Variants in FBLN1 observed in about 807,000 individuals in gnomAD.
The protein encoded by FBLN1 is fibulin 1.
A neutral mutation model predicts 89.7 loss-of-function variants in FBLN1; 34 were observed. The ratio of observed to expected loss-of-function variants is 0.38; its 90% CI spans 0.29 to 0.50. The LOEUF is 0.50. Among genes scored for constraint, FBLN1 ranks in the 20% least tolerant of loss-of-function variants. The pLI, the probability that FBLN1 is intolerant of heterozygous loss-of-function variation, is 0.92. For missense variants in FBLN1, 777 were observed against 988.1 expected (o/e 0.79, Z 2.86); for synonymous variants, 393 against 391.3 (o/e 1.00, Z -0.05).
At chr22:45,553,933 C>T (rs745915048) in intron 14 of FBLN1, among the ~76,000 whole-genome samples, 4 of 152,224 alleles carry the variant, frequency 2.6e-5, no homozygotes, top group Non-Finnish European at 5.9e-5. Flanking sequence ...GCGACTCTAG[C>T]GCCACCTGCT....
rs1036221924 is a variant in FBLN1, at chr22:45,578,693, C to G, written c.1972+1585C>G. Among the ~76,000 whole-genome samples, 2 of 152,234 alleles carry G rather than the reference C, an allele frequency of 1.3e-5. No homozygotes were observed. The highest frequency in any genetic ancestry group is 2.4e-5 in the African/African-American group (1 of 41,474). On this transcript the variant is annotated intron_variant, in intron 16 of 16. Transcript: ENST00000327858. This position sits in a 1 kb window ranked among gnomAD's most constrained non-coding sequence, Gnocchi z 4.6. ...CTGACACTGGCCCACAGCCGCCCCCCGCCCCAAAGGGGCCAGCCCTGTGCT... is the reference window on the plus strand; with the variant it reads ...CTGACACTGGCCCACAGCCGCCCCCGGCCCCAAAGGGGCCAGCCCTGTGCT...
chr22:45,564,950 T>G, intron 14 of FBLN1: 2 of 1,614,136 alleles, frequency 1.2e-6, no homozygotes, highest in Non-Finnish European at 1.7e-6. Flanking sequence ...GCAGGGTTCT[T>G]CCATGGAAGC....
At chr22:45,528,279 G>T (rs1319536544) in intron 4 of FBLN1, among the ~76,000 whole-genome samples, 1 of 152,168 alleles carries the variant, frequency 6.6e-6, no homozygotes, top group Non-Finnish European at 1.5e-5. Context: ...TGCTGATTGA[G>T]TGAGGCCCAC....
chr22:45,513,165 G>C (rs1335735872), intron 1 of FBLN1, among the ~76,000 whole-genome samples: 1 of 152,196 alleles, frequency 6.6e-6, no homozygotes, highest in Non-Finnish European at 1.5e-5. Context: ...AGGCAAGTAA[G>C]TCAACGGGCA....
At position 45,597,255 on chromosome 22, in the gene FBLN1, C is replaced by G. The variant is rs1273465833; in HGVS notation, c.1973-3052C>G. ...TGGGCTTGTGATCTGCCCGCCTAAG[C>G]CTCCCAAAGTGCTGGGATTACAAGC... On this transcript the variant is annotated intron_variant, in intron 16 of 16. Coordinates refer to ENST00000327858, the MANE Select transcript of FBLN1 (RefSeq NM_006486.3). This position sits in a 1 kb window ranked among gnomAD's most constrained non-coding sequence, Gnocchi z 4.2. 6.6e-6 allele frequency among the ~76,000 whole-genome samples: 1 copy of G among 152,166 alleles called. No individual in the cohort carries two copies. Among genetic ancestry groups the G allele is most frequent in the Non-Finnish European group, 1.5e-5 (1 of 68,034 alleles).
rs1333906101 is a variant in FBLN1 at position 45,578,546 on chromosome 22, G to A, written c.1972+1438G>A. ...TCTGGGCCTCAGTTTCCCCCATTGT[G>A]AAATGAGAGTTTAGATGAAGACAGC... On this transcript the variant is annotated intron_variant, in intron 16 of 16. Coordinates refer to ENST00000327858, the MANE Select transcript of FBLN1 (RefSeq NM_006486.3). The surrounding 1 kb of genome is among the most constrained non-coding windows in gnomAD (Gnocchi z 4.6). The A allele has an allele frequency of 1.3e-5, 2 of 151,978 alleles. No homozygotes were observed. Among genetic ancestry groups the A allele is most frequent in the Admixed American group, 6.5e-5 (1 of 15,268 alleles). 9.4% of individuals were successfully genotyped at this position (151,978 alleles called of 1,614,324 possible). A position where few individuals can be genotyped will look rare whatever the true frequency, so the allele number is the denominator to read the frequency against.
chr22:45,567,101 C>T (rs914445769), intron 14 of FBLN1, among the ~76,000 whole-genome samples: 4 of 152,220 alleles, frequency 2.6e-5, no homozygotes, highest in African/African-American at 9.6e-5. Flanking sequence ...GGGATTCAGA[C>T]GCAGGCAGCC....
At position 45,518,800 on chromosome 22, in the gene FBLN1, G is replaced by A. The variant is rs745529980; in HGVS notation, c.185+13G>A. The A allele has an allele frequency of 6.3e-7, 1 of 1,588,894 alleles. No homozygotes were observed. The highest frequency in any genetic ancestry group is 1.7e-4 in the Middle Eastern group (1 of 6,036). Reference sequence around the variant, plus strand: ...CCAAAGAATGCAGGTACGTTTGCCAGTGGCCACTGTTTCACTGGAACAATG... The same window carrying A: ...CCAAAGAATGCAGGTACGTTTGCCAATGGCCACTGTTTCACTGGAACAATG... On this transcript the variant is annotated intron_variant, in intron 2 of 16. Coordinates refer to ENST00000327858, the MANE Select transcript of FBLN1 (RefSeq NM_006486.3).
rs1200274904 is a variant in FBLN1, at chr22:45,575,983, A to G, written c.1841-994A>G. 2.0e-5 allele frequency among the ~76,000 whole-genome samples: 3 copies of G among 152,104 alleles called. No individual in the cohort carries two copies. Among genetic ancestry groups the G allele is most frequent in the Admixed American group, 2.0e-4 (3 of 15,284 alleles). The stretch of plus-strand genomic sequence containing the variant: ...GTCCTCCCACCCTCTCAGGGGAGGC[A>G]TGCAACGGAGCCAGCCGCGAGGACA... On this transcript the variant is annotated intron_variant, in intron 15 of 16. Transcript: ENST00000327858. The surrounding 1 kb of genome is among the most constrained non-coding windows in gnomAD (Gnocchi z 6.3).
At chr22:45,566,906 C>T (rs2088905485) in intron 14 of FBLN1, among the ~76,000 whole-genome samples, 1 of 152,228 alleles carries the variant, frequency 6.6e-6, no homozygotes, top group Admixed American at 6.5e-5. Flanking sequence ...ATAACAACTC[C>T]AACAGCTAAC....
At chr22:45,567,802 T>C (rs188575058) in intron 14 of FBLN1, among the ~76,000 whole-genome samples, 239 of 152,260 alleles carry the variant, frequency 1.6e-3, no homozygotes, top group Admixed American at 4.1e-3. Context: ...TGCATGACTT[T>C]GGCATCTGTG....
At chr22:45,584,994 C>T (rs1441548622) in intron 16 of FBLN1, among the ~76,000 whole-genome samples, 1 of 152,222 alleles carries the variant, frequency 6.6e-6, no homozygotes. Flanking sequence ...AATCTACATC[C>T]AAGCTACGCA....
chr22:45,516,866 G>A (rs2088176362), intron 1 of FBLN1, among the ~76,000 whole-genome samples: 1 of 152,216 alleles, frequency 6.6e-6, no homozygotes, highest in African/African-American at 2.4e-5. Context: ...TGTCACTGGG[G>A]GACATGGTTC....
chr22:45,599,966 G>T (rs2089217373), intron 16 of FBLN1, among the ~76,000 whole-genome samples: 1 of 152,192 alleles, frequency 6.6e-6, no homozygotes. Flanking sequence ...TGGTGGTAGA[G>T]CAGAAAACCT....
intron 1 of FBLN1, among the ~76,000 whole-genome samples, chr22:45,517,194 C>T (rs761627071): frequency 5.9e-5 from 9 of 152,234 alleles, no homozygotes; most frequent in Non-Finnish European, 1.2e-4. Flanking sequence ...CTGCCAAGCC[C>T]AGTGGGATTT....
In FBLN1 at chr22:45,574,498, T is replaced by TCCCA; in HGVS notation, c.1698-13_1698-12insCCCA. 6.2e-7 allele frequency: 1 copy of TCCCA among 1,614,092 alleles called. No homozygotes were observed. Among genetic ancestry groups the TCCCA allele is most frequent in the Non-Finnish European group, 8.5e-7 (1 of 1,180,016 alleles). On this transcript the variant is annotated splice_polypyrimidine_tract_variant and intron_variant, in intron 14 of 16. Coordinates refer to ENST00000327858, the MANE Select transcript of FBLN1 (RefSeq NM_006486.3). This position sits in a 1 kb window ranked among gnomAD's most constrained non-coding sequence, Gnocchi z 4.1. ...GCTTCCCCGTCAGCCTCGTGTGCTG[T>TCCCA]GGTTCCCCTCAGGCTCCAGCAGGAG...
At chr22:45,542,044 A>T (rs1216199861) in intron 9 of FBLN1, 111 bp from the exon 10 acceptor site, 3 of 1,512,320 alleles carry the variant, frequency 2.0e-6, no homozygotes, top group African/African-American at 1.4e-5. Context: ...TTGAAATGGA[A>T]TGCCTGTTTC....
At chr22:45,566,156 T>C (rs567809490) in intron 14 of FBLN1, among the ~76,000 whole-genome samples, 7 of 152,256 alleles carry the variant, frequency 4.6e-5, no homozygotes, top group African/African-American at 1.4e-4. Flanking sequence ...AGGGGCGGGA[T>C]TACTCAGGCT....
rs760756122 is a variant in FBLN1 at position 45,577,091 on chromosome 22, T to C, written c.1955T>C (p.Met652Thr). 10 of 1,614,036 alleles carry C rather than the reference T, an allele frequency of 6.2e-6. 1 individual carries two copies. The South Asian group carries it at 9.9e-5, about 16-fold the overall frequency. Residue 652 changes from methionine (M) to threonine (T), a missense_variant, in exon 16 of 17, where the codon ATG (methionine) becomes ACG (threonine). Coordinates refer to ENST00000327858, the MANE Select transcript of FBLN1 (RefSeq NM_006486.3). This position sits in a 1 kb window ranked among gnomAD's most constrained non-coding sequence, Gnocchi z 6.6. ...TCTTTTGACATCATCAAGCGTTACA[T>C]GGACGGCATGACCGTGGGTGAGTGG... ...RDSFDIIKRY[M>T]DGMTVGVVRQ...
Sources: allele counts gnomAD v4.1 joint callset (sites outside exome capture counted in the v4.1 genomes callset), GRCh38; gene constraint gnomAD v4.1.1; non-coding constraint Gnocchi (gnomAD v3.1); transcripts MANE v1.5; gene names NCBI Gene and HGNC (gene_info 2026-07-23, HGNC 2026-07-21).